ARB2A: variants seen among roughly 807,000 people sequenced by gnomAD.
The protein encoded by ARB2A is cotranscriptional regulator ARB2A.
chr5:93,792,969 T>C, the ARB2A span, among the ~76,000 whole-genome samples: 1 of 152,132 alleles, frequency 6.6e-6, no homozygotes, highest in Non-Finnish European at 1.5e-5. Context: ...GGTTGGTAGC[T>C]GAGGGATTAT....
At chr5:93,627,438 G>GTTT in the ARB2A span, among the ~76,000 whole-genome samples, 345 of 108,016 alleles carry the variant, frequency 3.2e-3, 15 homozygotes, top group African/African-American at 0.013. Flanking sequence ...TACAAAATGT[G>GTTT]TTTTGTTTTT....
At chr5:94,093,212 G>A in the ARB2A span, among the ~76,000 whole-genome samples, 79 of 151,882 alleles carry the variant, frequency 5.2e-4, no homozygotes, top group Non-Finnish European at 9.9e-4. Context: ...ATAGGAAACC[G>A]TGCTCTACTA....
At chr5:93,984,816 TTAG>T in the ARB2A span, among the ~76,000 whole-genome samples, 26 of 152,198 alleles carry the variant, frequency 1.7e-4, no homozygotes, top group African/African-American at 6.3e-4. Context: ...AAAAATTTAA[TTAG>T]TAGTGCCTGC....
At chr5:94,010,605 G>A in the ARB2A span, among the ~76,000 whole-genome samples, 1 of 151,826 alleles carries the variant, frequency 6.6e-6, no homozygotes, top group Admixed American at 6.6e-5. Context: ...TATCTTGAAG[G>A]GATCTCTAAA....
At chr5:93,976,537 T>TTTCCCCC in the ARB2A span, among the ~76,000 whole-genome samples, 1 of 152,184 alleles carries the variant, frequency 6.6e-6, no homozygotes, top group Non-Finnish European at 1.5e-5. Context: ...ATGGGGACAG[T>TTTCCCCC]TTCCCCCTTT....
At chr5:93,938,911 C>G in the ARB2A span, among the ~76,000 whole-genome samples, 3 of 152,164 alleles carry the variant, frequency 2.0e-5, no homozygotes, top group Non-Finnish European at 4.4e-5. Flanking sequence ...CATTACAATA[C>G]CAAGTAATTG....
At chr5:93,945,320 A>T in the ARB2A span, among the ~76,000 whole-genome samples, 1 of 151,780 alleles carries the variant, frequency 6.6e-6, no homozygotes, top group Non-Finnish European at 1.5e-5. Context: ...AGTCTGAGGC[A>T]GGAAGAATTG....
the ARB2A span, among the ~76,000 whole-genome samples, chr5:94,011,682 G>A: frequency 6.6e-6 from 1 of 152,124 alleles, no homozygotes; most frequent in African/African-American, 2.4e-5. Flanking sequence ...GGTAGCTGGT[G>A]TGGGTGGAGT....
the ARB2A span, among the ~76,000 whole-genome samples, chr5:93,973,025 T>C: frequency 6.6e-6 from 1 of 152,090 alleles, no homozygotes; most frequent in African/African-American, 2.4e-5. Context: ...CATAGCTCAC[T>C]GCAGCCTCAA....
the ARB2A span, among the ~76,000 whole-genome samples, chr5:93,651,967 C>T: frequency 6.6e-6 from 1 of 151,582 alleles, no homozygotes; most frequent in African/African-American, 2.4e-5. Context: ...CTCAGAACAA[C>T]GAAAATAAAA....
the ARB2A span, among the ~76,000 whole-genome samples, chr5:93,977,808 C>T: frequency 6.6e-6 from 1 of 152,138 alleles, no homozygotes; most frequent in Non-Finnish European, 1.5e-5. Context: ...ACAAAGGAAA[C>T]TGTCAAACGA....
the ARB2A span, among the ~76,000 whole-genome samples, chr5:94,077,585 A>G: frequency 6.6e-6 from 1 of 152,158 alleles, no homozygotes; most frequent in African/African-American, 2.4e-5. Flanking sequence ...TTCCTAATAA[A>G]AATTCAGAGT....
At chr5:93,682,297 A>G in the ARB2A span, among the ~76,000 whole-genome samples, 2 of 152,030 alleles carry the variant, frequency 1.3e-5, no homozygotes, top group African/African-American at 4.8e-5. Context: ...CCCACTGGAA[A>G]AAATGTGTGT....
At chr5:93,760,633 C>T in the ARB2A span, among the ~76,000 whole-genome samples, 1 of 152,068 alleles carries the variant, frequency 6.6e-6, no homozygotes, top group Non-Finnish European at 1.5e-5. Context: ...ACAAAGCAAA[C>T]AAAAACATAA....
the ARB2A span, among the ~76,000 whole-genome samples, chr5:93,721,445 C>T: frequency 6.6e-6 from 1 of 152,082 alleles, no homozygotes. Context: ...TTAGTCTGCT[C>T]TTTTTTTAAA....
the ARB2A span, among the ~76,000 whole-genome samples, chr5:94,032,450 C>T: frequency 7.2e-5 from 11 of 152,260 alleles, no homozygotes; most frequent in Middle Eastern, 6.8e-3. Flanking sequence ...ATAGACACCA[C>T]GGGAATGGTG....
At chr5:94,032,299 G>A in the ARB2A span, among the ~76,000 whole-genome samples, 1 of 152,144 alleles carries the variant, frequency 6.6e-6, no homozygotes, top group Non-Finnish European at 1.5e-5. Flanking sequence ...TACTGGGGAG[G>A]CCTCAGCAAT....
At chr5:93,641,171 G>C in the ARB2A span, among the ~76,000 whole-genome samples, 1 of 151,034 alleles carries the variant, frequency 6.6e-6, no homozygotes, top group African/African-American at 2.4e-5. Context: ...CTGCACTCCA[G>C]CCTGGGTGAC....
At chr5:93,740,303 A>G in the ARB2A span, 1 of 340,752 alleles carries the variant, frequency 2.9e-6, no homozygotes, top group African/African-American at 2.1e-5. Context: ...AAAAGGAACA[A>G]AATATCGAAA....
Sources: gnomAD v4.1 joint callset for allele counts (sites outside exome capture counted in the v4.1 genomes callset) on GRCh38, gnomAD v4.1.1 for gene constraint, MANE v1.5 for transcripts, NCBI Gene and HGNC (gene_info 2026-07-23, HGNC 2026-07-21) for gene names.